LARGE1: variants seen among roughly 807,000 people sequenced by gnomAD.
LARGE1 encodes xylosyl- and glucuronyltransferase LARGE1.
Under a neutral mutation model 87.6 loss-of-function variants are expected in LARGE1, and 43 were observed. The observed-to-expected ratio is 0.49, with a 90% CI of 0.38 to 0.63. The LOEUF (loss-of-function observed/expected upper bound fraction) is 0.63. LARGE1 is among the 30% of genes least tolerant of loss of function. The pLI is 0.00. For missense variants in LARGE1, 802 were observed against 1,000.2 expected, an observed-to-expected ratio of 0.80 and a Z score of 2.67; for synonymous variants, 434 against 394.6, an observed-to-expected ratio of 1.10 and a Z score of -1.18.
At chr22:33,665,155 C>A (rs1290735276) in intron 2 of LARGE1, among the ~76,000 whole-genome samples, 2 of 152,176 alleles carry the variant, frequency 1.3e-5, no homozygotes, top group East Asian at 3.8e-4. Flanking sequence ...GTAAGCCAAC[C>A]TTTAAAACCC....
At chr22:33,424,907 C>G (rs939174292) in intron 7 of LARGE1, among the ~76,000 whole-genome samples, 2 of 151,996 alleles carry the variant, frequency 1.3e-5, no homozygotes, top group Admixed American at 1.3e-4. Context: ...AAGGTGGGGC[C>G]TTTGGGAAGT....
downstream of LARGE1, among the ~76,000 whole-genome samples, chr22:33,272,002 T>C (rs1168373428): frequency 6.6e-6 from 1 of 152,220 alleles, no homozygotes; most frequent in East Asian, 1.9e-4. Flanking sequence ...GCACCTTTCA[T>C]TCTCAGAAGT....
chr22:33,519,998 C>CTTTTTTT (rs397868082), intron 6 of LARGE1, among the ~76,000 whole-genome samples: 7 of 97,218 alleles, frequency 7.2e-5, no homozygotes, highest in Admixed American at 1.1e-4. Context: ...TGGTTTTTCT[C>CTTTTTTT]TTTTTTTTTT....
In LARGE1 at chr22:33,788,184, T is replaced by C. The variant is rs557787676; in HGVS notation, c.-82-26626A>G. On this transcript the variant is annotated intron_variant, in intron 1 of 14. Coordinates refer to ENST00000397394, the MANE Select transcript of LARGE1 (RefSeq NM_133642.5). Reference sequence around the variant, plus strand: ...TGAATCATGGGGTCGGTTTTCCCCATACTGTGCTCGTGGTAGTGAATAAGT... The same window carrying C: ...TGAATCATGGGGTCGGTTTTCCCCACACTGTGCTCGTGGTAGTGAATAAGT... Among the ~76,000 whole-genome samples the C allele has an allele frequency of 9.2e-5, 14 of 152,312 alleles. No homozygotes were observed. In the South Asian group the frequency reaches 2.7e-3, roughly 29 times the overall value.
chr22:33,493,289 C>T (rs2267219), intron 6 of LARGE1, among the ~76,000 whole-genome samples: 28,857 of 151,222 alleles, frequency 0.19, 2,910 homozygotes, highest in Middle Eastern at 0.3. Flanking sequence ...GCCTCCCTAG[C>T]AGCTGGGATT....
the LARGE1 span, among the ~76,000 whole-genome samples, chr22:33,104,691 A>G: frequency 1.3e-5 from 2 of 152,200 alleles, no homozygotes; most frequent in Middle Eastern, 3.2e-3. Flanking sequence ...TTCTCTGAAT[A>G]TGTTATGCAT....
chr22:33,460,325 C>T (rs1222797078), intron 6 of LARGE1, among the ~76,000 whole-genome samples: 1 of 151,982 alleles, frequency 6.6e-6, no homozygotes, highest in Non-Finnish European at 1.5e-5. Context: ...TACCTGGTAC[C>T]CATCTCAGAA....
intron 6 of LARGE1, among the ~76,000 whole-genome samples, chr22:33,444,996 A>G (rs560477552): frequency 1.3e-5 from 2 of 152,036 alleles, no homozygotes; most frequent in Admixed American, 6.5e-5. Context: ...TGCACGGCTC[A>G]TTTTTGTATT....
At chr22:33,830,236 C>G (rs909065826) in intron 1 of LARGE1, among the ~76,000 whole-genome samples, 1 of 152,066 alleles carries the variant, frequency 6.6e-6, no homozygotes, top group Non-Finnish European at 1.5e-5. Flanking sequence ...GAGACACTGT[C>G]CAGCTAAATC....
intron 5 of LARGE1, among the ~76,000 whole-genome samples, chr22:33,571,954 AC>A (rs907346300): frequency 1.3e-5 from 2 of 152,150 alleles, no homozygotes; most frequent in Non-Finnish European, 2.9e-5. Context: ...AGTTTTTCAA[AC>A]AATTAGGTAC....
chr22:33,702,577 A>G (rs537227742), intron 2 of LARGE1, among the ~76,000 whole-genome samples: 2 of 152,204 alleles, frequency 1.3e-5, no homozygotes, highest in Admixed American at 6.5e-5. Context: ...CTGAAGCCCA[A>G]TGGACTGCAG....
intron 2 of LARGE1, among the ~76,000 whole-genome samples, chr22:33,667,379 A>G (rs1241465221): frequency 1.3e-5 from 2 of 152,226 alleles, no homozygotes; most frequent in Non-Finnish European, 2.9e-5. Flanking sequence ...TCTGTGAGGA[A>G]AGTCACTGAG....
chr22:33,669,690 C>T (rs1225349764), intron 2 of LARGE1, among the ~76,000 whole-genome samples: 2 of 152,184 alleles, frequency 1.3e-5, no homozygotes, highest in Non-Finnish European at 2.9e-5. Context: ...CGCCAGAGTC[C>T]CCAAGCCTCC....
chr22:33,657,499 T>C (rs1307723842), intron 2 of LARGE1, among the ~76,000 whole-genome samples: 1 of 152,150 alleles, frequency 6.6e-6, no homozygotes, highest in African/African-American at 2.4e-5. Flanking sequence ...CTTCAAGCAC[T>C]TGACTGCCAT....
At chr22:33,304,648 A>G in intron 11 of LARGE1, 141 bp from the exon 12 acceptor site, 1 of 884,336 alleles carries the variant, frequency 1.1e-6, no homozygotes, top group South Asian at 1.8e-5. Context: ...TGACTCACTC[A>G]GTTCCTTTAC....
intron 11 of LARGE1, among the ~76,000 whole-genome samples, chr22:33,311,239 C>T (rs1471663640): frequency 3.9e-5 from 6 of 152,140 alleles, no homozygotes; most frequent in Non-Finnish European, 5.9e-5. Context: ...GGATTACAGG[C>T]GTGAGCCACC....
intron 11 of LARGE1, among the ~76,000 whole-genome samples, chr22:33,246,412 G>T (rs1926760723): frequency 6.6e-6 from 1 of 152,212 alleles, no homozygotes; most frequent in African/African-American, 2.4e-5. Context: ...TTGGGAGGCT[G>T]AGCGGGATGG....
At chr22:33,229,935 G>A (rs568967701) in intron 11 of LARGE1, among the ~76,000 whole-genome samples, 1 of 149,114 alleles carries the variant, frequency 6.7e-6, no homozygotes, top group Non-Finnish European at 1.5e-5. Context: ...TAGATTGACA[G>A]CAGAGTCTCA....
the LARGE1 span, among the ~76,000 whole-genome samples, chr22:33,101,012 A>C: frequency 6.6e-6 from 1 of 151,684 alleles, no homozygotes; most frequent in Admixed American, 6.6e-5. Context: ...CACCCGGCTA[A>C]TTTTTTATTT....
Sources: allele counts gnomAD v4.1 joint callset (sites outside exome capture counted in the v4.1 genomes callset), GRCh38; gene constraint gnomAD v4.1.1; transcripts MANE v1.5; gene names NCBI Gene and HGNC (gene_info 2026-07-23, HGNC 2026-07-21).